TCERG1: variants seen among roughly 807,000 people sequenced by gnomAD.
TCERG1 encodes the protein transcription elongation regulator 1, also known as TATA box binding protein (TBP)-associated factor, RNA polymerase II, S, 150kD.
A neutral mutation model predicts 144.7 loss-of-function variants in TCERG1; 37 were observed. That is an observed-to-expected ratio of 0.26 (90% CI 0.20 to 0.34). The LOEUF is 0.34. TCERG1 is among the 10% of genes least tolerant of loss of function. The pLI, the probability that TCERG1 is intolerant of heterozygous loss-of-function variation, is 1.00. For synonymous variants in TCERG1, 492 were observed against 458.2 expected, an observed-to-expected ratio of 1.07 and a Z score of -0.94; for missense variants, 1,027 against 1,380.7, an observed-to-expected ratio of 0.74 and a Z score of 4.06.
At chr5:146,450,396 G>T (rs531075725) in intron 1 of TCERG1, among the ~76,000 whole-genome samples, 76 of 152,286 alleles carry the variant, frequency 5.0e-4, no homozygotes, top group Non-Finnish European at 6.0e-4. Context: ...TAAAGGAAAA[G>T]ACTAGAATTT....
At chr5:146,495,997 A>G (rs1227422410) in intron 16 of TCERG1, among the ~76,000 whole-genome samples, 3 of 152,138 alleles carry the variant, frequency 2.0e-5, no homozygotes, top group Non-Finnish European at 2.9e-5. Flanking sequence ...TACTAAAAAT[A>G]CAAAAATTAG....
chr5:146,450,245 G>A (rs1429439729), intron 1 of TCERG1, among the ~76,000 whole-genome samples: 1 of 152,230 alleles, frequency 6.6e-6, no homozygotes, highest in Non-Finnish European at 1.5e-5. Flanking sequence ...GTAGAGGCCA[G>A]AAGTGGGAAA....
At position 146,463,640 on chromosome 5, in the gene TCERG1, C is replaced by G. The variant is rs756040357; in HGVS notation, c.982C>G (p.Pro328Ala). Residue 328 changes from proline (P) to alanine (A), a missense_variant, in exon 5 of 23, where the codon CCT becomes GCT. Coordinates refer to ENST00000679501, the MANE Select transcript of TCERG1 (RefSeq NM_001382548.1). ...SVSTPAPTAT[P>A]VQTVPQPHPQ... ...TTCAACTCCTGCTCCTACAGCCACA[C>G]CTGTGCAAACCGTTCCCCAGCCGCA... is the stretch of plus-strand genomic sequence containing the variant. 1 of 1,614,216 alleles carries G rather than the reference C, an allele frequency of 6.2e-7. No homozygotes were observed. The highest frequency in any genetic ancestry group is 8.5e-7 in the Non-Finnish European group (1 of 1,180,046).
intron 16 of TCERG1, among the ~76,000 whole-genome samples, chr5:146,494,257 G>T (rs1766679479): frequency 6.6e-6 from 1 of 152,042 alleles, no homozygotes; most frequent in Non-Finnish European, 1.5e-5. Flanking sequence ...ATTTTCTTGG[G>T]TATTGTGGTT....
At chr5:146,480,220 C>A in intron 12 of TCERG1, 126 bp downstream of exon 12, 1 of 616,242 alleles carries the variant, frequency 1.6e-6, no homozygotes, top group Non-Finnish European at 2.7e-6. Flanking sequence ...TCTCTTAGGC[C>A]TGATAATAAA....
At chr5:146,452,639 G>C (rs1037044705) in intron 1 of TCERG1, among the ~76,000 whole-genome samples, 6 of 152,064 alleles carry the variant, frequency 3.9e-5, no homozygotes, top group African/African-American at 1.4e-4. Flanking sequence ...GCCCAGGCTG[G>C]AGTGCAGTGG....
intron 15 of TCERG1, 91 bp downstream of exon 15, chr5:146,483,720 C>A: frequency 1.1e-6 from 1 of 913,434 alleles, no homozygotes; most frequent in Non-Finnish European, 1.6e-6. Flanking sequence ...CCTTTTTTTT[C>A]TGATACAGCA....
intron 15 of TCERG1, among the ~76,000 whole-genome samples, chr5:146,484,248 C>A (rs1382629921): frequency 1.3e-5 from 2 of 152,126 alleles, no homozygotes; most frequent in African/African-American, 4.8e-5. Context: ...TTAAGGGTCC[C>A]TGTTGAATTA....
At position 146,507,214 on chromosome 5, in the gene TCERG1, A is replaced by G. The variant is rs1768082019; in HGVS notation, c.2961+7A>G. 6.4e-7 allele frequency: 1 copy of G among 1,566,620 alleles called. No individual in the cohort carries two copies. On this transcript the variant is annotated splice_region_variant and intron_variant, in intron 20 of 22. Coordinates refer to ENST00000679501, the MANE Select transcript of TCERG1 (RefSeq NM_001382548.1). The surrounding 1 kb of genome is among the most constrained non-coding windows in gnomAD (Gnocchi z 4.6). The stretch of plus-strand genomic sequence containing the variant: ...TCTGGATGAAACTTCTGCAGTAAGA[A>G]TCTCTTATTTTTCTCATTTTAATCT...
At chr5:146,453,185 T>C (rs1762508663) in intron 1 of TCERG1, among the ~76,000 whole-genome samples, 1 of 152,032 alleles carries the variant, frequency 6.6e-6, no homozygotes, top group Non-Finnish European at 1.5e-5. Context: ...CATTAGGGTG[T>C]TGAGAGTGAG....
chr5:146,475,673 A>C (rs1031558709), intron 9 of TCERG1, among the ~76,000 whole-genome samples: 8 of 152,188 alleles, frequency 5.3e-5, no homozygotes, highest in African/African-American at 1.7e-4. Context: ...GAGCAGTAGG[A>C]TATAAATCCC....
chr5:146,486,260 A>G (rs1752810473), intron 15 of TCERG1, among the ~76,000 whole-genome samples: 1 of 152,216 alleles, frequency 6.6e-6, no homozygotes, highest in South Asian at 2.1e-4. Flanking sequence ...ATACAAAATT[A>G]TATTTCAGTT....
At chr5:146,463,492 G>A in intron 4 of TCERG1, 59 bp from the exon 5 acceptor site, 2 of 1,603,552 alleles carry the variant, frequency 1.2e-6, no homozygotes, top group East Asian at 4.5e-5. Flanking sequence ...AATGATGAAT[G>A]AATATAGTAA....
rs1193813460 is a variant in TCERG1, at chr5:146,507,074, G to A, written c.2828G>A (p.Arg943Gln). ...VSWSDTRRTL[R>Q]KDHRWESGSL... ...TGGTCTGATACTCGTAGGACCCTCC[G>A]AAAAGATCACCGCTGGGAATCTGGA... The change falls in exon 20 of 23, where the codon CGA becomes CAA. Residue 943 changes from arginine (R) to glutamine (Q), a missense_variant. By Grantham distance (43) the Arg-to-Gln change is conservative. Transcript: ENST00000679501. This position sits in a 1 kb window ranked among gnomAD's most constrained non-coding sequence, Gnocchi z 4.6. The A allele has an allele frequency of 1.9e-6, 3 of 1,612,118 alleles. No homozygotes were observed. The highest frequency in any genetic ancestry group is 1.7e-6 in the Non-Finnish European group (2 of 1,179,448).
intron 15 of TCERG1, among the ~76,000 whole-genome samples, chr5:146,486,176 A>G (rs1009275913): frequency 1.3e-5 from 2 of 152,232 alleles, no homozygotes; most frequent in Non-Finnish European, 2.9e-5. Flanking sequence ...ACACATTTGC[A>G]CTTTGTAATT....
chr5:146,452,285 TGAG>T (rs1397283842), intron 1 of TCERG1, among the ~76,000 whole-genome samples: 5 of 147,914 alleles, frequency 3.4e-5, no homozygotes, highest in African/African-American at 1.2e-4. Context: ...ATTCCTCTCT[TGAG>T]GACAGAAATG....
intron 1 of TCERG1, 114 bp downstream of exon 1, chr5:146,447,522 C>G (rs76833679): frequency 5.1e-6 from 7 of 1,362,748 alleles, no homozygotes; most frequent in African/African-American, 3.0e-5. Context: ...CCGGGCGGCC[C>G]GGGCCGGGAC....
At chr5:146,467,010 A>T (rs945715216) in intron 5 of TCERG1, among the ~76,000 whole-genome samples, 1 of 152,144 alleles carries the variant, frequency 6.6e-6, no homozygotes, top group African/African-American at 2.4e-5. Context: ...AACCAAATGA[A>T]TTTTTCCATT....
chr5:146,473,101 C>A (rs1764500893), intron 9 of TCERG1, among the ~76,000 whole-genome samples: 1 of 152,126 alleles, frequency 6.6e-6, no homozygotes, highest in African/African-American at 2.4e-5. Flanking sequence ...GAAAGCTAGG[C>A]CTTTTGGGCT....
Sources: allele counts gnomAD v4.1 joint callset (sites outside exome capture counted in the v4.1 genomes callset), GRCh38; gene constraint gnomAD v4.1.1; non-coding constraint Gnocchi (gnomAD v3.1); transcripts MANE v1.5; gene names NCBI Gene and HGNC (gene_info 2026-07-23, HGNC 2026-07-21).